Variants in AEBP2 observed in about 807,000 individuals in gnomAD.
AEBP2 encodes the protein AE binding protein 2.
AEBP2 carries 10 observed loss-of-function variants against 50.8 expected under a neutral mutation model. The observed-to-expected ratio is 0.20, with a 90% CI of 0.12 to 0.33. AEBP2 has a LOEUF of 0.33. Ranked by LOEUF, AEBP2 falls within the 10% of genes least tolerant of loss-of-function variation. AEBP2 has a pLI of 1.00. For missense variants in AEBP2, 570 were observed against 688.0 expected (o/e 0.83, Z 1.92); for synonymous variants, 296 against 261.3 (o/e 1.13, Z -1.28).
At chr12:19,483,996 C>T (rs1279568345) in intron 3 of AEBP2, among the ~76,000 whole-genome samples, 1 of 152,146 alleles carries the variant, frequency 6.6e-6, no homozygotes, top group Admixed American at 6.6e-5. Flanking sequence ...GTTGGAGTGT[C>T]TCCAAGGCTT....
At chr12:19,406,604 C>A (rs2095736391) in intron 1 of AEBP2, among the ~76,000 whole-genome samples, 1 of 151,132 alleles carries the variant, frequency 6.6e-6, no homozygotes, top group Non-Finnish European at 1.5e-5. Context: ...TCGCTTGAAC[C>A]CAGGAGGCGG....
chr12:19,449,272 T>TA (rs1948126364), intron 1 of AEBP2, among the ~76,000 whole-genome samples: 1 of 152,340 alleles, frequency 6.6e-6, no homozygotes, highest in African/African-American at 2.4e-5. Flanking sequence ...TTTCTTTTTT[T>TA]AAACATACCA....
At chr12:19,461,128 G>T (rs943366350) in intron 1 of AEBP2, among the ~76,000 whole-genome samples, 3 of 152,146 alleles carry the variant, frequency 2.0e-5, no homozygotes, top group Non-Finnish European at 4.4e-5. Flanking sequence ...AAACTTGGCG[G>T]GAGGGAAACA....
Position 19,439,523 on chromosome 12 carries a change from C to T in AEBP2, c.-177C>T, listed in dbSNP as rs1421726514. Among the ~76,000 whole-genome samples, 3 of 152,078 alleles carry T rather than the reference C, an allele frequency of 2.0e-5. No individual in the cohort carries two copies. The highest frequency in any genetic ancestry group is 7.2e-5 in the African/African-American group (3 of 41,428). ...CGTGTGAGTGCGCGTAGTCGCGCGC[C>T]TGTCCCCGCGCGGGCTCCGTAGCGC... On this transcript the variant is annotated 5_prime_UTR_variant, in exon 1 of 8. Transcript: ENST00000266508.
In AEBP2 at chr12:19,454,433, T is replaced by C. The variant is rs193090729; in HGVS notation, c.672-8077T>C. ...AGTAATTGTGGGGAAAGGTCTTTAA[T>C]TGGTTAAGGTATAAGGTATACGATT... On this transcript the variant is annotated intron_variant, in intron 1 of 7. Transcript: ENST00000266508. Among the ~76,000 whole-genome samples, 5 of 152,270 alleles carry C rather than the reference T, an allele frequency of 3.3e-5. No individual in the cohort carries two copies. The East Asian group carries it at 9.7e-4, about 29-fold the overall frequency.
chr12:19,502,157 CAG>C (rs1218244900), intron 5 of AEBP2, among the ~76,000 whole-genome samples: 1 of 151,990 alleles, frequency 6.6e-6, no homozygotes, highest in African/African-American at 2.4e-5. Flanking sequence ...TCTTTTGAGA[CAG>C]AGTCTTGCTC....
chr12:19,498,562 A>G (rs945376758), intron 4 of AEBP2, among the ~76,000 whole-genome samples: 9 of 152,212 alleles, frequency 5.9e-5, no homozygotes, highest in African/African-American at 1.7e-4. Context: ...ATCAGCATAT[A>G]TGTAATTCAG....
chr12:19,478,347 G>A (rs1948680891), intron 3 of AEBP2, among the ~76,000 whole-genome samples: 1 of 152,098 alleles, frequency 6.6e-6, no homozygotes, highest in African/African-American at 2.4e-5. Context: ...CCAGGCTGGA[G>A]TGCAGTGGCA....
intron 5 of AEBP2, among the ~76,000 whole-genome samples, chr12:19,501,126 TCG>T (rs1949067222): frequency 6.6e-6 from 1 of 152,092 alleles, no homozygotes; most frequent in East Asian, 1.9e-4. Context: ...GGCCAGGAGT[TCG>T]AGACCAGCCT....
rs961535635 is a variant in AEBP2, at chr12:19,520,548, A to G, written c.*2431A>G. On this transcript the variant is annotated 3_prime_UTR_variant, in exon 8 of 8. Transcript: ENST00000266508. ...ACTGGGTAATAAGTGTGAAAATTTTAATTTGTGGTTTTCATTTATTAATGT... is the reference window on the plus strand; with the variant it reads ...ACTGGGTAATAAGTGTGAAAATTTTGATTTGTGGTTTTCATTTATTAATGT... The G allele has an allele frequency of 1.3e-5, 2 of 152,128 alleles. No homozygotes were observed. Among genetic ancestry groups the G allele is most frequent in the African/African-American group, 2.4e-5 (1 of 41,428 alleles). The allele number at this position is 152,128 out of a possible 1,614,324, so 9.4% of individuals were successfully genotyped here.
At chr12:19,470,547 C>G (rs1592745400) in intron 2 of AEBP2, among the ~76,000 whole-genome samples, 1 of 152,190 alleles carries the variant, frequency 6.6e-6, no homozygotes, top group South Asian at 2.1e-4. Context: ...GTATAAAATT[C>G]ACTAGGCTGA....
chr12:19,424,311 A>T (rs2153364675), intron 1 of AEBP2, among the ~76,000 whole-genome samples: 1 of 152,304 alleles, frequency 6.6e-6, no homozygotes, highest in South Asian at 2.1e-4. Context: ...AGTACAGAGG[A>T]CAGTGTTGAA....
chr12:19,493,751 G>A (rs1385185997), intron 3 of AEBP2, 49 bp from the exon 4 acceptor site: 8 of 1,538,666 alleles, frequency 5.2e-6, no homozygotes, highest in South Asian at 3.6e-5. Flanking sequence ...TATTCTTCTC[G>A]TGCCCTACAC....
intron 1 of AEBP2, among the ~76,000 whole-genome samples, chr12:19,454,490 G>C (rs556759150): frequency 1.3e-5 from 2 of 152,208 alleles, no homozygotes; most frequent in Non-Finnish European, 2.9e-5. Context: ...ATGAAGATGT[G>C]AAGGCTTAAA....
At chr12:19,414,048 C>T (rs565505204) in intron 1 of AEBP2, among the ~76,000 whole-genome samples, 7 of 152,126 alleles carry the variant, frequency 4.6e-5, no homozygotes, top group South Asian at 4.2e-4. Context: ...CGCCTGCCAT[C>T]GTGCCTGGCT....
At chr12:19,501,127 C>A (rs200333513) in intron 5 of AEBP2, among the ~76,000 whole-genome samples, 1 of 152,016 alleles carries the variant, frequency 6.6e-6, no homozygotes, top group Non-Finnish European at 1.5e-5. Flanking sequence ...GCCAGGAGTT[C>A]GAGACCAGCC....
At chr12:19,488,822 A>G (rs1948854929) in intron 3 of AEBP2, among the ~76,000 whole-genome samples, 1 of 151,846 alleles carries the variant, frequency 6.6e-6, no homozygotes, top group Non-Finnish European at 1.5e-5. Context: ...TTTGAGATGG[A>G]CTCTTGCTCT....
chr12:19,498,363 TG>T (rs1251279909), intron 4 of AEBP2, among the ~76,000 whole-genome samples: 1 of 152,216 alleles, frequency 6.6e-6, no homozygotes, highest in African/African-American at 2.4e-5. Context: ...CTTAGTCTTT[TG>T]GCTTCTGCTC....
At position 19,440,322 on chromosome 12, in the gene AEBP2, A is replaced by G; in HGVS notation, c.623A>G (p.Glu208Gly). ...TCCGGGGGCCGGCGGGGCAGCTTGG[A>G]GATGTCGTCGGATGGGGAACCCCTG... ...ATSGGRRGSL[E>G]MSSDGEPLSR... Residue 208 changes from glutamate (E) to glycine (G), a missense_variant, in exon 1 of 8, where the codon GAG (glutamate) becomes GGG (glycine). Glu to Gly is a moderately conservative substitution (Grantham distance 98, BLOSUM62 -2). This residue lies in a region of AEBP2 where 386 missense variants were observed against 336.8 expected (regional missense o/e 1.15). Coordinates refer to ENST00000266508, the MANE Select transcript of AEBP2 (RefSeq NM_153207.5). 3 of 1,465,966 alleles carry G rather than the reference A, an allele frequency of 2.0e-6. No homozygotes were observed. The highest frequency in any genetic ancestry group is 1.4e-5 in the South Asian group (1 of 70,874). 90.8% of individuals were successfully genotyped at this position (1,465,966 alleles called of 1,614,324 possible). A position where few individuals can be genotyped will look rare whatever the true frequency, so the allele number is the denominator to read the frequency against.
Sources: gnomAD v4.1 joint callset for allele counts (sites outside exome capture counted in the v4.1 genomes callset) on GRCh38, gnomAD v4.1.1 for gene constraint, gnomAD v4.1.1 regional missense constraint, MANE v1.5 for transcripts, NCBI Gene and HGNC (gene_info 2026-07-23, HGNC 2026-07-21) for gene names.